The following CLYBL variants were observed in gnomAD, a reference collection of about 807,000 sequenced individuals.
CLYBL encodes the protein citramalyl-CoA lyase, mitochondrial.
Under a neutral mutation model 38.9 loss-of-function variants are expected in CLYBL, and 31 were observed. That is an observed-to-expected ratio of 0.80 (90% CI 0.60 to 1.08). The LOEUF is 1.08. CLYBL is among the 50% of genes least tolerant of loss of function. CLYBL has a pLI of 0.00. For synonymous variants in CLYBL, 171 were observed against 158.6 expected, an observed-to-expected ratio of 1.08 and a Z score of -0.59; for missense variants, 434 against 411.6, an observed-to-expected ratio of 1.05 and a Z score of -0.47.
chr13:99,790,967 A>G (rs1429115064), intron 2 of CLYBL, among the ~76,000 whole-genome samples: 2 of 152,214 alleles, frequency 1.3e-5, no homozygotes. Flanking sequence ...TTATATGAAC[A>G]TAATCTCATT....
chr13:99,618,517 G>A (rs1180801092), intron 1 of CLYBL, among the ~76,000 whole-genome samples: 14 of 152,060 alleles, frequency 9.2e-5, no homozygotes, highest in Admixed American at 5.2e-4. Context: ...TGATCTACCC[G>A]CCTCGGCCTC....
At chr13:99,767,565 T>C (rs1225362236) in intron 1 of CLYBL, among the ~76,000 whole-genome samples, 4 of 152,232 alleles carry the variant, frequency 2.6e-5, no homozygotes, top group Admixed American at 6.5e-5. Context: ...TCCTTATCCT[T>C]CTGGAATTCC....
chr13:99,851,032 G>A (rs1047552710), intron 2 of CLYBL, among the ~76,000 whole-genome samples: 39 of 152,292 alleles, frequency 2.6e-4, no homozygotes, highest in Non-Finnish European at 3.8e-4. Context: ...GGAAAATAGG[G>A]AGTTGATGCT....
intron 1 of CLYBL, among the ~76,000 whole-genome samples, chr13:99,744,053 A>T (rs1260581993): frequency 1.4e-5 from 2 of 144,650 alleles, no homozygotes; most frequent in Non-Finnish European, 3.0e-5. Context: ...GCTCACTGCA[A>T]GCTCCGCCTC....
chr13:99,866,982 G>C (rs1300731460), intron 6 of CLYBL, among the ~76,000 whole-genome samples: 1 of 152,176 alleles, frequency 6.6e-6, no homozygotes, highest in African/African-American at 2.4e-5. Flanking sequence ...GTCCCTTGCA[G>C]TCCGGTCTGG....
chr13:99,824,515 C>T (rs1247679966), intron 2 of CLYBL, among the ~76,000 whole-genome samples: 1 of 152,142 alleles, frequency 6.6e-6, no homozygotes. Flanking sequence ...TGTTTATAAA[C>T]ACACCTCTTG....
downstream of CLYBL, chr13:99,894,738 G>GGA (rs2052551765): frequency 1.7e-5 from 1 of 58,228 alleles, no homozygotes; most frequent in Non-Finnish European, 3.7e-5. Flanking sequence ...GCCTGAGGCG[G>GGA]GGGGGGGGGG....
intron 1 of CLYBL, among the ~76,000 whole-genome samples, chr13:99,758,983 C>A (rs970087090): frequency 5.3e-5 from 8 of 152,124 alleles, no homozygotes; most frequent in Non-Finnish European, 8.8e-5. Context: ...AGAGAGGGCA[C>A]CTGGTGAGGG....
At chr13:99,807,295 G>T (rs1427658769) in intron 2 of CLYBL, among the ~76,000 whole-genome samples, 1 of 152,106 alleles carries the variant, frequency 6.6e-6, no homozygotes, top group South Asian at 2.1e-4. Context: ...GTGTCTCCCC[G>T]CATGTGCATG....
intron 2 of CLYBL, among the ~76,000 whole-genome samples, chr13:99,840,780 AGG>A (rs1268580908): frequency 1.5e-4 from 11 of 73,708 alleles, no homozygotes; most frequent in African/African-American, 3.8e-4. Flanking sequence ...AAAAAAAAAA[AGG>A]GTTACATATG....
In CLYBL at chr13:99,707,261, C is replaced by CATTTT. The variant is rs966891838; in HGVS notation, c.63-65542_63-65538dup. Among the ~76,000 whole-genome samples the CATTTT allele has an allele frequency of 3.2e-4, 48 of 152,088 alleles. 1 individual carries two copies. The highest frequency in any genetic ancestry group is 9.4e-4 in the African/African-American group (39 of 41,500). ...TTTAAGTGCTAGTATTATGCAATTT[C>CATTTT]ATTTTATTTTATTTTATTTTATTTT... On this transcript the variant is annotated intron_variant, in intron 1 of 8. Transcript: ENST00000339105.
At chr13:99,786,747 G>A (rs1391043147) in intron 2 of CLYBL, among the ~76,000 whole-genome samples, 1 of 137,400 alleles carries the variant, frequency 7.3e-6, no homozygotes, top group African/African-American at 2.7e-5. Context: ...GGGTCAAATG[G>A]TATTTCTAGT....
chr13:99,756,907 A>T (rs2049072845), intron 1 of CLYBL, among the ~76,000 whole-genome samples: 1 of 151,802 alleles, frequency 6.6e-6, no homozygotes, highest in African/African-American at 2.4e-5. Context: ...TTATTTTATT[A>T]TTTTTTTTCA....
At chr13:99,794,214 A>T (rs146196738) in intron 2 of CLYBL, among the ~76,000 whole-genome samples, 2,943 of 152,258 alleles carry the variant, frequency 0.019, 87 homozygotes, top group African/African-American at 0.068. Flanking sequence ...TGAGGTCAGG[A>T]GTTCGAGATC....
At chr13:99,866,484 C>G in intron 6 of CLYBL, 77 bp downstream of exon 6, 7 of 1,286,326 alleles carry the variant, frequency 5.4e-6, no homozygotes, top group Non-Finnish European at 7.6e-6. Flanking sequence ...CCGAAAACAC[C>G]CCTAATCTCA....
chr13:99,781,561 T>C (rs1405294115), intron 2 of CLYBL, among the ~76,000 whole-genome samples: 2 of 152,126 alleles, frequency 1.3e-5, no homozygotes, highest in African/African-American at 4.8e-5. Flanking sequence ...CTGTAACCTC[T>C]GCCCCCCGGG....
At chr13:99,772,795 T>C in intron 1 of CLYBL, 29 bp from the exon 2 acceptor site, 1 of 1,534,226 alleles carries the variant, frequency 6.5e-7, no homozygotes. Flanking sequence ...AATCTCATTC[T>C]GGACTAACCC....
chr13:99,760,013 G>A (rs1018811057), intron 1 of CLYBL, among the ~76,000 whole-genome samples: 1 of 152,148 alleles, frequency 6.6e-6, no homozygotes, highest in Admixed American at 6.5e-5. Context: ...TTACTAGTCA[G>A]ACTCGCTATT....
At chr13:99,683,059 T>TTA (rs369963152) in intron 1 of CLYBL, among the ~76,000 whole-genome samples, 5,627 of 149,450 alleles carry the variant, frequency 0.038, 333 homozygotes, top group African/African-American at 0.13. Context: ...TTTATAAACT[T>TTA]TATATATATA....
Sources: gnomAD v4.1 joint callset for allele counts (sites outside exome capture counted in the v4.1 genomes callset) on GRCh38, gnomAD v4.1.1 for gene constraint, MANE v1.5 for transcripts, NCBI Gene and HGNC (gene_info 2026-07-23, HGNC 2026-07-21) for gene names.